The following DLG2 variants were observed in gnomAD, a reference collection of about 807,000 sequenced individuals.
The protein encoded by DLG2 is discs large MAGUK scaffold protein 2.
In DLG2, 45 loss-of-function variants were observed where a neutral mutation model predicts 132.5. That is an observed-to-expected ratio of 0.34 (90% CI 0.27 to 0.44). The LOEUF (loss-of-function observed/expected upper bound fraction) is 0.44, where lower values mean the gene tolerates loss of function less well. DLG2 is among the 20% of genes least tolerant of loss of function. The probability of loss-of-function intolerance (pLI) is 1.00; values close to 1 mark genes in which losing one functional copy is unlikely to be tolerated. For missense variants in DLG2, 1,045 were observed against 1,196.9 expected, an observed-to-expected ratio of 0.87 and a Z score of 1.87; for synonymous variants, 424 against 419.6, an observed-to-expected ratio of 1.01 and a Z score of -0.13.
chr11:83,973,746 T>C (rs903637343), intron 12 of DLG2, among the ~76,000 whole-genome samples: 2 of 151,910 alleles, frequency 1.3e-5, no homozygotes, highest in African/African-American at 4.8e-5. Context: ...ACCCCAGAAA[T>C]CCAGATTTGA....
chr11:84,117,528 T>C (rs1413525093), intron 9 of DLG2, among the ~76,000 whole-genome samples: 3 of 152,198 alleles, frequency 2.0e-5, no homozygotes, highest in South Asian at 2.1e-4. Flanking sequence ...CATTTCCATT[T>C]CTAAGCCTTC....
intron 17 of DLG2, among the ~76,000 whole-genome samples, chr11:83,817,545 A>T (rs1453160073): frequency 6.6e-6 from 1 of 152,098 alleles, no homozygotes; most frequent in Non-Finnish European, 1.5e-5. Context: ...TATGCCTTTA[A>T]TTTTAATTTC....
intron 3 of DLG2, among the ~76,000 whole-genome samples, chr11:85,460,067 G>A (rs1195764481): frequency 6.6e-6 from 1 of 152,180 alleles, no homozygotes; most frequent in Non-Finnish European, 1.5e-5. Flanking sequence ...GGGAAGTGCA[G>A]AGCTGCTACC....
chr11:83,929,019 G>C (rs780751420), intron 15 of DLG2, among the ~76,000 whole-genome samples: 13 of 152,030 alleles, frequency 8.6e-5, no homozygotes, highest in Non-Finnish European at 1.5e-4. Flanking sequence ...AATATAGGTG[G>C]ACTTAATGAA....
At chr11:84,660,237 G>C (rs1192209321) in intron 6 of DLG2, among the ~76,000 whole-genome samples, 1 of 152,094 alleles carries the variant, frequency 6.6e-6, no homozygotes, top group Admixed American at 6.6e-5. Context: ...CATATTCTAA[G>C]AATCCAAAGA....
intron 21 of DLG2, among the ~76,000 whole-genome samples, chr11:83,506,923 T>C (rs1020080776): frequency 6.6e-6 from 1 of 152,180 alleles, no homozygotes; most frequent in African/African-American, 2.4e-5. Context: ...CAATTTCATC[T>C]TTCACATAGG....
chr11:85,034,540 T>A (rs2061296481), intron 6 of DLG2, among the ~76,000 whole-genome samples: 2 of 152,176 alleles, frequency 1.3e-5, no homozygotes, highest in Non-Finnish European at 2.9e-5. Flanking sequence ...AGTCAAAGTA[T>A]GCCAAGGAGA....
At chr11:84,011,817 C>A (rs2094907514) in intron 11 of DLG2, among the ~76,000 whole-genome samples, 2 of 152,044 alleles carry the variant, frequency 1.3e-5, no homozygotes, top group Admixed American at 6.6e-5. Flanking sequence ...AAAAACACTA[C>A]CACCCTTTAG....
At chr11:84,843,912 T>C (rs1160677424) in intron 6 of DLG2, among the ~76,000 whole-genome samples, 2 of 151,272 alleles carry the variant, frequency 1.3e-5, no homozygotes, top group East Asian at 2.0e-4. Context: ...AATATTTGTA[T>C]GTGTGTATAT....
At chr11:84,199,308 C>T (rs2096562376) in intron 8 of DLG2, among the ~76,000 whole-genome samples, 1 of 152,054 alleles carries the variant, frequency 6.6e-6, no homozygotes, top group South Asian at 2.1e-4. Flanking sequence ...ACACACTCAC[C>T]CGATATTAAT....
chr11:83,683,845 C>T (rs952261609), intron 18 of DLG2, among the ~76,000 whole-genome samples: 1 of 152,048 alleles, frequency 6.6e-6, no homozygotes, highest in South Asian at 2.1e-4. Flanking sequence ...CCTAAAGAGA[C>T]CTAACATCTC....
At chr11:85,534,293 T>A (rs2075421232) in intron 3 of DLG2, among the ~76,000 whole-genome samples, 1 of 152,136 alleles carries the variant, frequency 6.6e-6, no homozygotes, top group Non-Finnish European at 1.5e-5. Context: ...TTAAATTAAA[T>A]TTATATTAAC....
At chr11:85,417,633 G>A (rs767547847) in intron 3 of DLG2, among the ~76,000 whole-genome samples, 2 of 152,140 alleles carry the variant, frequency 1.3e-5, no homozygotes, top group Non-Finnish European at 2.9e-5. Flanking sequence ...CTTGTTATTG[G>A]TCTATTCAGG....
chr11:85,589,734 A>G (rs898815482), intron 3 of DLG2, among the ~76,000 whole-genome samples: 11 of 152,014 alleles, frequency 7.2e-5, no homozygotes, highest in Non-Finnish European at 1.5e-4. Flanking sequence ...CAGCCTGCAC[A>G]TGGGACTCAG....
intron 11 of DLG2, among the ~76,000 whole-genome samples, chr11:84,024,850 G>A (rs1395101091): frequency 6.6e-6 from 1 of 150,958 alleles, no homozygotes; most frequent in Non-Finnish European, 1.5e-5. Flanking sequence ...CAAACCCGGT[G>A]AATATAGTTA....
At chr11:83,746,493 C>T (rs1235609823) in intron 18 of DLG2, among the ~76,000 whole-genome samples, 5 of 151,900 alleles carry the variant, frequency 3.3e-5, no homozygotes, top group Non-Finnish European at 5.9e-5. Context: ...AACCAAACAC[C>T]GCACGTTCTC....
chr11:84,197,309 C>T (rs2096534813), intron 8 of DLG2, among the ~76,000 whole-genome samples: 2 of 152,018 alleles, frequency 1.3e-5, no homozygotes, highest in African/African-American at 4.8e-5. Context: ...AAGGAAGGCT[C>T]TATGATGTGT....
At chr11:83,809,354 T>A (rs1594760283) in intron 17 of DLG2, among the ~76,000 whole-genome samples, 2 of 152,188 alleles carry the variant, frequency 1.3e-5, no homozygotes, top group African/African-American at 4.8e-5. Flanking sequence ...GCTGTGTTGC[T>A]TATACATAAT....
intron 8 of DLG2, among the ~76,000 whole-genome samples, chr11:84,222,155 C>A (rs1042060769): frequency 3.1e-4 from 47 of 152,196 alleles, no homozygotes; most frequent in South Asian, 2.3e-3. Flanking sequence ...GCCTCAGCCT[C>A]CCAAGTAGCT....
Sources: gnomAD v4.1 joint callset for allele counts (sites outside exome capture counted in the v4.1 genomes callset) on GRCh38, gnomAD v4.1.1 for gene constraint, MANE v1.5 for transcripts, NCBI Gene and HGNC (gene_info 2026-07-23, HGNC 2026-07-21) for gene names.